NRG3: variants seen among roughly 807,000 people sequenced by gnomAD.
NRG3 encodes the protein pro-neuregulin-3, membrane-bound isoform.
In NRG3, 31 loss-of-function variants were observed where a neutral mutation model predicts 66.9. That is an observed-to-expected ratio of 0.46 (90% CI 0.35 to 0.63). The LOEUF (loss-of-function observed/expected upper bound fraction) is 0.63, where lower values mean the gene tolerates loss of function less well. Ranked by LOEUF, NRG3 falls within the 20% of genes least tolerant of loss-of-function variation. The pLI is 0.00. For synonymous variants in NRG3, 393 were observed against 359.4 expected (o/e 1.09, Z -1.06); for missense variants, 910 against 878.9 (o/e 1.04, Z -0.45).
At chr10:82,013,277 T>C (rs2061652099) in intron 1 of NRG3, among the ~76,000 whole-genome samples, 1 of 152,182 alleles carries the variant, frequency 6.6e-6, no homozygotes, top group African/African-American at 2.4e-5. Context: ...ATTTATTGAC[T>C]ATCAGGAGAA....
intron 2 of NRG3, among the ~76,000 whole-genome samples, chr10:82,449,040 G>C (rs1429555577): frequency 6.6e-6 from 1 of 152,136 alleles, no homozygotes; most frequent in Non-Finnish European, 1.5e-5. Context: ...GCAAGAAAAG[G>C]AGAAGCACTG....
chr10:82,227,608 G>GAAA (rs2076232056), intron 1 of NRG3, among the ~76,000 whole-genome samples: 1 of 151,974 alleles, frequency 6.6e-6, no homozygotes, highest in Admixed American at 6.6e-5. Flanking sequence ...GTTTTGATTA[G>GAAA]AAACAATAAA....
intron 1 of NRG3, among the ~76,000 whole-genome samples, chr10:81,897,374 C>T (rs978000346): frequency 1.3e-5 from 2 of 152,110 alleles, no homozygotes; most frequent in African/African-American, 4.8e-5. Context: ...AAAGCTACAC[C>T]TGGAGACAAG....
At chr10:82,749,102 T>C (rs1335869151) in intron 3 of NRG3, among the ~76,000 whole-genome samples, 1 of 152,088 alleles carries the variant, frequency 6.6e-6, no homozygotes, top group African/African-American at 2.4e-5. Context: ...CTTGAGGGCT[T>C]GGAGAGAGGA....
chr10:82,753,458 A>C (rs1006195799), intron 3 of NRG3, among the ~76,000 whole-genome samples: 5 of 151,898 alleles, frequency 3.3e-5, no homozygotes, highest in Non-Finnish European at 7.4e-5. Context: ...TTTGTCTTTG[A>C]TTATGATAGT....
chr10:82,132,887 A>T (rs2069038140), intron 1 of NRG3, among the ~76,000 whole-genome samples: 1 of 151,792 alleles, frequency 6.6e-6, no homozygotes. Context: ...ATCTCTAATT[A>T]TTCTTTGAAT....
Position 82,132,808 on chromosome 10 carries a change from G to A in NRG3, c.824-225931G>A, listed in dbSNP as rs541404686. ...CTTCATGTTTCAATCTTGGTAGGTT[G>A]TATGTATCTAGGAATTTATCCTTTT... is the stretch of plus-strand genomic sequence containing the variant. On this transcript the variant is annotated intron_variant, in intron 1 of 8. Transcript: ENST00000372141. Among the ~76,000 whole-genome samples, 85 of 151,276 alleles carry A rather than the reference G, an allele frequency of 5.6e-4. 3 individuals are homozygous for A. Among genetic ancestry groups the A allele is most frequent in the Non-Finnish European group, 1.9e-4 (13 of 67,776 alleles).
intron 3 of NRG3, among the ~76,000 whole-genome samples, chr10:82,803,444 A>T (rs936733898): frequency 1.3e-5 from 2 of 152,216 alleles, no homozygotes; most frequent in African/African-American, 2.4e-5. Flanking sequence ...CAACAGAAGT[A>T]TGTGTATTTC....
chr10:82,631,842 C>T (rs2049862060), intron 2 of NRG3, among the ~76,000 whole-genome samples: 1 of 152,014 alleles, frequency 6.6e-6, no homozygotes, highest in African/African-American at 2.4e-5. Flanking sequence ...TGGCTCACAC[C>T]TGTCATCCCA....
intron 2 of NRG3, among the ~76,000 whole-genome samples, chr10:82,472,313 G>A (rs779432220): frequency 3.3e-5 from 5 of 152,158 alleles, no homozygotes; most frequent in Admixed American, 1.3e-4. Context: ...ATACAGCAAG[G>A]AAGCCCCTTA....
At chr10:82,155,521 A>G (rs2071122847) in intron 1 of NRG3, among the ~76,000 whole-genome samples, 1 of 151,790 alleles carries the variant, frequency 6.6e-6, no homozygotes, top group Admixed American at 6.6e-5. Flanking sequence ...AGGCTTCATT[A>G]GTTCTCATAT....
At chr10:82,245,539 G>A (rs2134038401) in intron 1 of NRG3, among the ~76,000 whole-genome samples, 1 of 152,274 alleles carries the variant, frequency 6.6e-6, no homozygotes, top group East Asian at 1.9e-4. Flanking sequence ...TTAAATCTTG[G>A]ATTTATTCTT....
chr10:82,958,272 T>C (rs1458462567), intron 5 of NRG3, among the ~76,000 whole-genome samples: 1 of 152,246 alleles, frequency 6.6e-6, no homozygotes, highest in African/African-American at 2.4e-5. Flanking sequence ...TTAGCTTCTC[T>C]GTGCTTTAGT....
intron 2 of NRG3, among the ~76,000 whole-genome samples, chr10:82,677,593 C>T (rs913850588): frequency 6.6e-6 from 1 of 152,016 alleles, no homozygotes; most frequent in Non-Finnish European, 1.5e-5. Context: ...TTTTCATAGA[C>T]TTGAACACTG....
intron 2 of NRG3, among the ~76,000 whole-genome samples, chr10:82,413,379 T>C (rs2088269751): frequency 6.6e-6 from 1 of 152,154 alleles, no homozygotes. Context: ...GAGCAGTAGG[T>C]CTCAATAGTG....
chr10:82,349,135 GGC>G (rs2083234450), intron 1 of NRG3, among the ~76,000 whole-genome samples: 1 of 151,934 alleles, frequency 6.6e-6, no homozygotes, highest in African/African-American at 2.4e-5. Context: ...GAGGAGGAGA[GGC>G]GCTCTGCTTT....
At chr10:81,905,338 T>G (rs959308197) in intron 1 of NRG3, among the ~76,000 whole-genome samples, 4 of 152,130 alleles carry the variant, frequency 2.6e-5, no homozygotes, top group Non-Finnish European at 1.5e-5. Context: ...TTCCTCTAGG[T>G]TTGTAGAACG....
rs143316052 is a variant in NRG3, at chr10:82,473,900, C to T, written c.953+115032C>T. Among the ~76,000 whole-genome samples the T allele has an allele frequency of 1.7e-3, 266 of 152,174 alleles. 1 individual carries two copies. Among genetic ancestry groups the T allele is most frequent in the African/African-American group, 6.0e-3 (250 of 41,500 alleles). ...TGAAGACCCCTGAGACAAGAGATTG[C>T]CTGCTGAGGAATACAATTGAACAGC... On this transcript the variant is annotated intron_variant, in intron 2 of 8. Coordinates refer to ENST00000372141, the MANE Select transcript of NRG3 (RefSeq NM_001010848.4).
At chr10:82,540,288 G>C (rs2043449254) in intron 2 of NRG3, among the ~76,000 whole-genome samples, 1 of 150,726 alleles carries the variant, frequency 6.6e-6, no homozygotes, top group Admixed American at 6.6e-5. Context: ...CTTCCTGCCT[G>C]CCTGTCTGCC....
Sources: gnomAD v4.1 joint callset for allele counts (sites outside exome capture counted in the v4.1 genomes callset) on GRCh38, gnomAD v4.1.1 for gene constraint, MANE v1.5 for transcripts, NCBI Gene and HGNC (gene_info 2026-07-23, HGNC 2026-07-21) for gene names.